Variants in SUSD4 observed in about 807,000 individuals in gnomAD.
The protein encoded by SUSD4 is sushi domain containing 4, also known as sushi domain-containing protein 4.
Under a neutral mutation model 50.5 loss-of-function variants are expected in SUSD4, and 41 were observed. The observed-to-expected ratio is 0.81, with a 90% CI of 0.63 to 1.05. SUSD4 has a LOEUF of 1.05. SUSD4 is among the 50% of genes least tolerant of loss of function. SUSD4 has a pLI of 0.00. For missense variants in SUSD4, 580 were observed against 634.7 expected (o/e 0.91, Z 0.93); for synonymous variants, 257 against 257.3 (o/e 1.00, Z 0.01).
chr1:223,293,619 A>T (rs937864496), intron 2 of SUSD4, among the ~76,000 whole-genome samples: 1 of 152,200 alleles, frequency 6.6e-6, no homozygotes, highest in South Asian at 2.1e-4. Flanking sequence ...GGCTGAGAGC[A>T]GTGGAGACAC....
chr1:223,325,277 AT>A (rs914176379), intron 2 of SUSD4, among the ~76,000 whole-genome samples: 11 of 152,066 alleles, frequency 7.2e-5, no homozygotes, highest in African/African-American at 2.7e-4. Flanking sequence ...TAATACCATC[AT>A]TTTTTCCCCA....
At position 223,229,466 on chromosome 1, in the gene SUSD4, C is replaced by G. The variant is rs751413037; in HGVS notation, c.725-78G>C. ...TGAAGCCCCTAAGACGAAGAATGGCCTAGGAGAACTCAGTTAAAAATGTGC... is the reference window on the plus strand; with the variant it reads ...TGAAGCCCCTAAGACGAAGAATGGCGTAGGAGAACTCAGTTAAAAATGTGC... On this transcript the variant is annotated intron_variant, in intron 5 of 8. Coordinates refer to ENST00000366878, the MANE Select transcript of SUSD4 (RefSeq NM_017982.4). This position sits in a 1 kb window ranked among gnomAD's most constrained non-coding sequence, Gnocchi z 4.7. 9.3e-5 allele frequency: 126 copies of G among 1,350,612 alleles called. No individual in the cohort carries two copies. Among genetic ancestry groups the G allele is most frequent in the Non-Finnish European group, 1.2e-4 (122 of 1,000,602 alleles). The allele number at this position is 1,350,612 out of a possible 1,614,324, so 83.7% of individuals were successfully genotyped here.
intron 4 of SUSD4, among the ~76,000 whole-genome samples, chr1:223,267,680 G>A (rs1662588951): frequency 6.6e-6 from 1 of 151,946 alleles, no homozygotes; most frequent in African/African-American, 2.4e-5. Flanking sequence ...CAAGAACAGG[G>A]CACCCAAAGC....
Position 223,363,449 on chromosome 1 carries a change from GC to G in SUSD4, c.-25del. ...ATCTTTCATCCACAGAGGGCATCCAGCTTGCAAGAGTCTGCAACCAGAAGCG... is the reference window on the plus strand; with the variant it reads ...ATCTTTCATCCACAGAGGGCATCCAGTTGCAAGAGTCTGCAACCAGAAGCG... On this transcript the variant is annotated 5_prime_UTR_variant, in exon 2 of 9. It removes the in-frame stop codon of an upstream open reading frame in the 5' UTR. Transcript: ENST00000366878. 1 of 1,512,806 alleles carries G rather than the reference GC, an allele frequency of 6.6e-7. No homozygotes were observed. The allele number at this position is 1,512,806 out of a possible 1,614,324, so 93.7% of individuals were successfully genotyped here. A position where few individuals can be genotyped will look rare whatever the true frequency, so the allele number is the denominator to read the frequency against.
intron 2 of SUSD4, among the ~76,000 whole-genome samples, chr1:223,361,606 C>G (rs1337470631): frequency 6.6e-6 from 1 of 152,094 alleles, no homozygotes; most frequent in East Asian, 1.9e-4. Context: ...TCTGTAAACA[C>G]GACCAAGCAG....
At chr1:223,305,327 T>C (rs939809692) in intron 2 of SUSD4, among the ~76,000 whole-genome samples, 1 of 152,104 alleles carries the variant, frequency 6.6e-6, no homozygotes, top group Non-Finnish European at 1.5e-5. Context: ...GGGAAGTGCA[T>C]GTTTCTGGGC....
At chr1:223,358,676 G>A (rs1022271565) in intron 2 of SUSD4, 1 of 155,372 alleles carries the variant, frequency 6.4e-6, no homozygotes, top group African/African-American at 2.4e-5. Context: ...TCAGGCCTCT[G>A]AGACAAGAGA....
chr1:223,336,481 C>T (rs570910292), intron 2 of SUSD4, among the ~76,000 whole-genome samples: 1 of 152,174 alleles, frequency 6.6e-6, no homozygotes, highest in South Asian at 2.1e-4. Flanking sequence ...GAAGTGGCTG[C>T]CTCTGAGGCG....
intron 3 of SUSD4, among the ~76,000 whole-genome samples, chr1:223,279,186 C>T (rs935264485): frequency 5.3e-5 from 8 of 152,214 alleles, no homozygotes; most frequent in Non-Finnish European, 8.8e-5. Context: ...CAAAGGAACG[C>T]AGCTCCTTGC....
intron 5 of SUSD4, among the ~76,000 whole-genome samples, chr1:223,263,339 A>G (rs1261799257): frequency 6.6e-6 from 1 of 152,234 alleles, no homozygotes; most frequent in Non-Finnish European, 1.5e-5. Context: ...CAAGACACTC[A>G]GTTATTAATA....
intron 2 of SUSD4, among the ~76,000 whole-genome samples, chr1:223,303,032 T>C (rs1414534001): frequency 2.0e-5 from 3 of 152,180 alleles, no homozygotes; most frequent in Non-Finnish European, 4.4e-5. Context: ...CCTATAGTCC[T>C]AGCTACTCAG....
At chr1:223,333,228 G>A (rs1270050034) in intron 2 of SUSD4, among the ~76,000 whole-genome samples, 1 of 152,076 alleles carries the variant, frequency 6.6e-6, no homozygotes, top group Non-Finnish European at 1.5e-5. Flanking sequence ...GTGCAGCTTA[G>A]ATCTACGTGC....
At chr1:223,283,529 A>G (rs1173368714) in intron 3 of SUSD4, among the ~76,000 whole-genome samples, 2 of 152,242 alleles carry the variant, frequency 1.3e-5, no homozygotes, top group South Asian at 2.1e-4. Context: ...AACCACAATG[A>G]GATACCATCT....
intron 4 of SUSD4, 104 bp from the exon 5 acceptor site, chr1:223,264,922 A>G (rs1662385227): frequency 8.3e-7 from 1 of 1,208,798 alleles, no homozygotes; most frequent in South Asian, 1.6e-5. Flanking sequence ...CCACCTCTGA[A>G]GGTGAAAATG....
chr1:223,337,050 T>G (rs1199026027), intron 2 of SUSD4, among the ~76,000 whole-genome samples: 1 of 152,212 alleles, frequency 6.6e-6, no homozygotes, highest in Non-Finnish European at 1.5e-5. Context: ...TTTCTCCTAC[T>G]GTACACTGGA....
At chr1:223,257,083 T>C (rs1661746194) in intron 5 of SUSD4, among the ~76,000 whole-genome samples, 1 of 152,224 alleles carries the variant, frequency 6.6e-6, no homozygotes, top group African/African-American at 2.4e-5. Flanking sequence ...TTATAACAGC[T>C]GCAACTTGTA....
intron 2 of SUSD4, among the ~76,000 whole-genome samples, chr1:223,329,592 C>G (rs1667062528): frequency 6.6e-6 from 1 of 152,224 alleles, no homozygotes; most frequent in Non-Finnish European, 1.5e-5. Flanking sequence ...TGATTTGGCT[C>G]TGCATCCCTA....
chr1:223,338,369 A>G (rs890701578), intron 2 of SUSD4, among the ~76,000 whole-genome samples: 1 of 152,192 alleles, frequency 6.6e-6, no homozygotes, highest in Non-Finnish European at 1.5e-5. Flanking sequence ...CATTTAGTAC[A>G]ACTGAAAAAA....
intron 2 of SUSD4, among the ~76,000 whole-genome samples, chr1:223,320,593 C>G (rs1348786093): frequency 6.6e-6 from 1 of 152,124 alleles, no homozygotes; most frequent in Non-Finnish European, 1.5e-5. Flanking sequence ...TTGAGTGGAA[C>G]AGAGCAAGGG....
Sources: allele counts gnomAD v4.1 joint callset (sites outside exome capture counted in the v4.1 genomes callset), GRCh38; gene constraint gnomAD v4.1.1; non-coding constraint Gnocchi (gnomAD v3.1); transcripts MANE v1.5; gene names NCBI Gene and HGNC (gene_info 2026-07-23, HGNC 2026-07-21).